CYB5R4: variants seen among roughly 807,000 people sequenced by gnomAD.
The protein encoded by CYB5R4 is N-terminal cytochrome b5 and cytochrome b5 oxidoreductase domain-containing protein.
A neutral mutation model predicts 70.2 loss-of-function variants in CYB5R4; 55 were observed. The ratio of observed to expected loss-of-function variants is 0.78; its 90% CI spans 0.63 to 0.98. The LOEUF (loss-of-function observed/expected upper bound fraction) is 0.98. Ranked by LOEUF, CYB5R4 falls within the 50% of genes least tolerant of loss-of-function variation. The pLI, the probability that CYB5R4 is intolerant of heterozygous loss-of-function variation, is 0.00. For synonymous variants in CYB5R4, 197 were observed against 199.5 expected (o/e 0.99, Z 0.11); for missense variants, 562 against 612.6 (o/e 0.92, Z 0.87).
intron 3 of CYB5R4, among the ~76,000 whole-genome samples, chr6:83,896,310 G>A (rs551827101): frequency 6.6e-6 from 1 of 152,058 alleles, no homozygotes. Flanking sequence ...TTAGTACCTT[G>A]CTCTGCAACT....
At position 83,909,013 on chromosome 6, in the gene CYB5R4, A is replaced by G. The variant is rs752589058; in HGVS notation, c.335A>G (p.His112Arg). The change falls in exon 4 of 16, where the codon CAT becomes CGT. Residue 112 changes from histidine to arginine, a missense_variant. By Grantham distance (29) the His-to-Arg change is conservative (BLOSUM62 0). Coordinates refer to ENST00000369681, the MANE Select transcript of CYB5R4 (RefSeq NM_016230.4). ...SDGTELFDQVHRWVNYESMLK... is the reference protein window; with the variant it reads ...SDGTELFDQVRRWVNYESMLK... ...ATCATTTGTTTTACATACCAGGTTC[A>G]TCGTTGGGTCAATTATGAATCCATG... 31 of 1,613,432 alleles carry G rather than the reference A, an allele frequency of 1.9e-5. No individual in the cohort carries two copies. Among genetic ancestry groups the G allele is most frequent in the Non-Finnish European group, 2.6e-5 (31 of 1,179,464 alleles).
intron 10 of CYB5R4, among the ~76,000 whole-genome samples, chr6:83,932,614 G>T (rs2099468327): frequency 6.6e-6 from 1 of 152,090 alleles, no homozygotes; most frequent in Non-Finnish European, 1.5e-5. Flanking sequence ...GAGGAGTATT[G>T]CAAGGCCACG....
Position 83,959,948 on chromosome 6 carries a change from G to C in CYB5R4, c.*70G>C, listed in dbSNP as rs991988474. On this transcript the variant is annotated 3_prime_UTR_variant, in exon 16 of 16. Coordinates refer to ENST00000369681, the MANE Select transcript of CYB5R4 (RefSeq NM_016230.4). The stretch of plus-strand genomic sequence containing the variant: ...TGTGATTGCTTAGGGTTTTTTAAGA[G>C]AACATTTTTGTACATAACAAAAGGT... 3 of 1,219,794 alleles carry C rather than the reference G, an allele frequency of 2.5e-6. No homozygotes were observed. The highest frequency in any genetic ancestry group is 3.4e-6 in the Non-Finnish European group (3 of 881,966). The allele number at this position is 1,219,794 out of a possible 1,614,324, so 75.6% of individuals were successfully genotyped here. A position where few individuals can be genotyped will look rare whatever the true frequency, so the allele number is the denominator to read the frequency against.
intron 8 of CYB5R4, among the ~76,000 whole-genome samples, 158 bp downstream of exon 8, chr6:83,921,333 A>G (rs974744417): frequency 1.3e-5 from 2 of 152,184 alleles, no homozygotes; most frequent in Non-Finnish European, 2.9e-5. Flanking sequence ...CTTTACACTA[A>G]TAAAAGTACT....
chr6:83,908,886 GC>G (rs2099464247), intron 3 of CYB5R4, 122 bp from the exon 4 acceptor site: 2 of 680,612 alleles, frequency 2.9e-6, no homozygotes, highest in African/African-American at 3.5e-5. Context: ...AATTGAATAT[GC>G]TTCTTAGTTT....
intron 14 of CYB5R4, among the ~76,000 whole-genome samples, chr6:83,953,510 G>A (rs1377663618): frequency 2.6e-5 from 4 of 152,046 alleles, no homozygotes; most frequent in African/African-American, 4.8e-5. Context: ...AGGAAAAGCT[G>A]GGGCCCCAAG....
intron 10 of CYB5R4, among the ~76,000 whole-genome samples, chr6:83,932,031 A>G (rs1386242046): frequency 2.1e-5 from 3 of 145,042 alleles, no homozygotes; most frequent in Admixed American, 7.3e-5. Context: ...GTTCCCACCT[A>G]TGAGTGAGAA....
At chr6:83,880,290 T>C (rs928046531) in intron 2 of CYB5R4, among the ~76,000 whole-genome samples, 1 of 152,212 alleles carries the variant, frequency 6.6e-6, no homozygotes, top group East Asian at 1.9e-4. Flanking sequence ...TAATGAATCT[T>C]TGCAGCTGAC....
intron 4 of CYB5R4, among the ~76,000 whole-genome samples, chr6:83,911,358 A>G (rs929980667): frequency 1.2e-4 from 19 of 152,192 alleles, no homozygotes; most frequent in African/African-American, 4.6e-4. Context: ...GTTATTAAAC[A>G]CATTATACAG....
At chr6:83,906,245 A>G (rs2099463756) in intron 3 of CYB5R4, among the ~76,000 whole-genome samples, 2 of 152,176 alleles carry the variant, frequency 1.3e-5, no homozygotes, top group South Asian at 2.1e-4. Context: ...GCCTCAGCCC[A>G]TGGTGCGGTA....
intron 14 of CYB5R4, among the ~76,000 whole-genome samples, chr6:83,941,122 C>A (rs9359575): frequency 0.085 from 12,886 of 152,094 alleles, 878 homozygotes; most frequent in East Asian, 0.25. Context: ...CACTAGTGAT[C>A]CTTGGTACAC....
chr6:83,916,212 A>G (rs1302332722), intron 5 of CYB5R4, among the ~76,000 whole-genome samples: 8 of 152,104 alleles, frequency 5.3e-5, no homozygotes, highest in African/African-American at 1.7e-4. Context: ...AATAGTTCCA[A>G]TTTGAGGAAG....
intron 2 of CYB5R4, among the ~76,000 whole-genome samples, chr6:83,887,669 A>G (rs1472510377): frequency 2.0e-5 from 3 of 152,114 alleles, no homozygotes; most frequent in Non-Finnish European, 2.9e-5. Context: ...TTTTAGTTTT[A>G]ATAAGTGGCT....
At chr6:83,953,034 CT>C (rs2099471785) in intron 14 of CYB5R4, among the ~76,000 whole-genome samples, 1 of 152,144 alleles carries the variant, frequency 6.6e-6, no homozygotes. Flanking sequence ...CCTTATAGCA[CT>C]TTCGGTTTCT....
At chr6:83,939,105 G>A (rs1025310916) in intron 12 of CYB5R4, among the ~76,000 whole-genome samples, 12 of 152,010 alleles carry the variant, frequency 7.9e-5, no homozygotes, top group African/African-American at 2.9e-4. Flanking sequence ...CGAAGTGCTG[G>A]GATTACAGGT....
intron 10 of CYB5R4, among the ~76,000 whole-genome samples, chr6:83,933,184 G>T (rs564264184): frequency 6.6e-6 from 1 of 152,106 alleles, no homozygotes; most frequent in Non-Finnish European, 1.5e-5. Context: ...TAGGCCTTCC[G>T]GGATAACTTT....
chr6:83,959,903 T>C lies in CYB5R4; in HGVS notation c.*25T>C, dbSNP rs1308167012. ...ATGAAGAGCTGTCATTGTCCTTTAT[T>C]CAACTAGTTTATCTAAATTTGTGAT... On this transcript the variant is annotated 3_prime_UTR_variant, in exon 16 of 16. Transcript: ENST00000369681. The C allele has an allele frequency of 6.4e-7, 1 of 1,553,192 alleles. No homozygotes were observed. The highest frequency in any genetic ancestry group is 8.7e-7 in the Non-Finnish European group (1 of 1,149,100).
At chr6:83,894,528 C>T (rs1450140973) in intron 3 of CYB5R4, among the ~76,000 whole-genome samples, 1 of 152,014 alleles carries the variant, frequency 6.6e-6, no homozygotes, top group African/African-American at 2.4e-5. Context: ...ATATAGTTGA[C>T]CTTTGAACAA....
intron 15 of CYB5R4, 128 bp downstream of exon 15, chr6:83,955,590 A>G: frequency 1.1e-6 from 1 of 902,786 alleles, no homozygotes; most frequent in Admixed American, 3.1e-5. Context: ...TTAGAAAATA[A>G]CAAAGTCTTT....
Sources: allele counts gnomAD v4.1 joint callset (sites outside exome capture counted in the v4.1 genomes callset), GRCh38; gene constraint gnomAD v4.1.1; transcripts MANE v1.5; gene names NCBI Gene and HGNC (gene_info 2026-07-23, HGNC 2026-07-21).